The following JAK3 variants were observed in gnomAD, a reference collection of about 807,000 sequenced individuals.
The protein encoded by JAK3 is tyrosine-protein kinase JAK3.
In JAK3, 88 loss-of-function variants were observed where a neutral mutation model predicts 120.8. The ratio of observed to expected loss-of-function variants is 0.73; its 90% CI spans 0.61 to 0.87. The LOEUF (loss-of-function observed/expected upper bound fraction) is 0.87, where lower values mean the gene tolerates loss of function less well. JAK3 is among the 40% of genes least tolerant of loss of function. JAK3 has a pLI of 0.00. For synonymous variants in JAK3, 592 were observed against 628.6 expected (o/e 0.94, Z 0.87); for missense variants, 1,254 against 1,501.4 (o/e 0.84, Z 2.72).
rs2147677165 is a variant in JAK3 at position 17,831,796 on chromosome 19, G to A, written c.2683C>T (p.Arg895Cys). 6.2e-7 allele frequency: 1 copy of A among 1,612,784 alleles called. No individual in the cohort carries two copies. Among genetic ancestry groups the A allele is most frequent in the Non-Finnish European group, 8.5e-7 (1 of 1,179,848 alleles). The change falls in exon 20 of 24, where the codon CGC becomes TGC. Residue 895 changes from arginine (R) to cysteine (C), a missense_variant and splice_region_variant. This residue lies in a region of JAK3 where 630 missense variants were observed against 819.8 expected (regional missense o/e 0.77). Coordinates refer to ENST00000458235, the MANE Select transcript of JAK3 (RefSeq NM_000215.4). The surrounding 1 kb of genome is among the most constrained non-coding windows in gnomAD (Gnocchi z 5.1). ...TCCATGACCAGCCGCAGGCTCTGGC[G>A]GCCTGGAGAAGGCAGGATCTGTCAC... ...KYRGVSYGPGRQSLRLVMEYL... is the reference protein window; with the variant it reads ...KYRGVSYGPGCQSLRLVMEYL...
chr19:17,838,648 C>T (rs184155927), intron 10 of JAK3, among the ~76,000 whole-genome samples: 9 of 151,618 alleles, frequency 5.9e-5, no homozygotes, highest in Admixed American at 2.0e-4. Flanking sequence ...CAGGTTCAAG[C>T]GATTTTCCTG....
intron 23 of JAK3, 150 bp downstream of exon 23, chr19:17,829,958 G>A: frequency 1.4e-6 from 1 of 697,066 alleles, no homozygotes; most frequent in Non-Finnish European, 2.6e-6. Context: ...GCCACACAGT[G>A]AGAGAGTAGC....
Position 17,826,714 on chromosome 19 carries a change from G to A in JAK3, c.*29C>T. On this transcript the variant is annotated 3_prime_UTR_variant, in exon 24 of 24. Coordinates refer to ENST00000458235, the MANE Select transcript of JAK3 (RefSeq NM_000215.4). ...TAAGGTCACACAGCCAGTCAACAGA[G>A]ACCTAATCCAGAGGTCTGCGGGCAG... is the stretch of plus-strand genomic sequence containing the variant. 6.2e-7 allele frequency: 1 copy of A among 1,613,442 alleles called. No individual in the cohort carries two copies. Among genetic ancestry groups the A allele is most frequent in the South Asian group, 1.1e-5 (1 of 91,058 alleles).
In JAK3 at chr19:17,844,384, G is replaced by C; in HGVS notation, c.34C>G (p.Pro12Ala). 2 of 1,612,340 alleles carry C rather than the reference G, an allele frequency of 1.2e-6. No homozygotes were observed. Among genetic ancestry groups the C allele is most frequent in the Non-Finnish European group, 1.7e-6 (2 of 1,179,728 alleles). Residue 12 changes from proline (P) to alanine (A), a missense_variant, in exon 2 of 24, where the codon CCT becomes GCT. Pro to Ala is a conservative substitution (Grantham distance 27, BLOSUM62 -1). Coordinates refer to ENST00000458235, the MANE Select transcript of JAK3 (RefSeq NM_000215.4). ...APPSEETPLIPQRSCSLLSTE... is the reference protein window; with the variant it reads ...APPSEETPLIAQRSCSLLSTE... The stretch of plus-strand genomic sequence containing the variant: ...GACAAGAGGCTGCATGAACGCTGAG[G>C]GATCAGGGGCGTCTCTTCACTTGGA...
intron 14 of JAK3, 119 bp from the exon 15 acceptor site, chr19:17,835,334 C>T (rs1240159844): frequency 1.1e-5 from 14 of 1,301,894 alleles, no homozygotes; most frequent in Non-Finnish European, 1.5e-5. Context: ...GCTCCAGCAT[C>T]GTCCCTGACT....
intron 12 of JAK3, 114 bp downstream of exon 12, chr19:17,837,818 T>C (rs1002971525): frequency 2.1e-5 from 30 of 1,461,518 alleles, no homozygotes; most frequent in African/African-American, 4.2e-5. Context: ...AGTGCTGGGA[T>C]GACAGGCATG....
At chr19:17,839,738 CTTTTTTTTTTT>C (rs71164315) in intron 9 of JAK3, 75 bp from the exon 10 acceptor site, 3 of 795,748 alleles carry the variant, frequency 3.8e-6, no homozygotes, top group South Asian at 1.7e-5. Context: ...CCTTTTTTTT[CTTTTTTTTTTT>C]TTTTTTTTGG....
Position 17,832,684 on chromosome 19 carries a change from A to G in JAK3, c.2515T>C (p.Cys839Arg). Residue 839 changes from cysteine (C) to arginine (R), a missense_variant, in exon 19 of 24, where the codon TGC (cysteine) becomes CGC (arginine). This residue lies in a region of JAK3 where 630 missense variants were observed against 819.8 expected (regional missense o/e 0.77). Coordinates refer to ENST00000458235, the MANE Select transcript of JAK3 (RefSeq NM_000215.4). The surrounding 1 kb of genome is among the most constrained non-coding windows in gnomAD (Gnocchi z 4.7). Reference sequence around the variant, plus strand: ...TTGTCGCCTAGCGGGTCATAGCGGCACAGCTCCACGCTGCCAAAGTTGCCC... The same window carrying G: ...TTGTCGCCTAGCGGGTCATAGCGGCGCAGCTCCACGCTGCCAAAGTTGCCC... ...GKGNFGSVEL[C>R]RYDPLGDNTG... 10 of 1,614,204 alleles carry G rather than the reference A, an allele frequency of 6.2e-6. No individual in the cohort carries two copies. The highest frequency in any genetic ancestry group is 8.5e-6 in the Non-Finnish European group (10 of 1,180,020).
chr19:17,837,840 C>T (rs1271344631), intron 12 of JAK3, 92 bp downstream of exon 12: 1 of 1,577,884 alleles, frequency 6.3e-7, no homozygotes, highest in African/African-American at 1.3e-5. Flanking sequence ...GCCACCACGC[C>T]CAGGTCCCTG....
In JAK3 at chr19:17,840,304, A is replaced by G; in HGVS notation, c.1180T>C (p.Ser394Pro). ...FAINKLKTGG[S>P]RPGSYVLRRS... ...CGGAGAACATAGGAGCCAGGACGTG[A>G]GCCCCCAGTCTTGAGCTTGTTGATG... Residue 394 changes from serine (S) to proline (P), a missense_variant, in exon 9 of 24, where the codon TCA becomes CCA. Coordinates refer to ENST00000458235, the MANE Select transcript of JAK3 (RefSeq NM_000215.4). 2 of 1,613,968 alleles carry G rather than the reference A, an allele frequency of 1.2e-6. No homozygotes were observed. The highest frequency in any genetic ancestry group is 1.7e-6 in the Non-Finnish European group (2 of 1,179,986).
At chr19:17,839,167 CAGA>C (rs1470472225) in intron 10 of JAK3, 1 of 501,704 alleles carries the variant, frequency 2.0e-6, no homozygotes, top group Non-Finnish European at 3.8e-6. Context: ...CTGGGAGACT[CAGA>C]AGAACTCACA....
Position 17,836,385 on chromosome 19 carries a change from T to C in JAK3, c.1787-334A>G, listed in dbSNP as rs3212764. 0.24 allele frequency among the ~76,000 whole-genome samples: 36,818 copies of C among 151,950 alleles called. 4,736 individuals are homozygous for C. Among genetic ancestry groups the C allele is most frequent in the Non-Finnish European group, 0.28 (18,759 of 67,942 alleles). ...GCAACCTCTGCCTCCCGGGTTCAAG[T>C]GATTCTCCTGTCTCAGCCTCCTAAG... On this transcript the variant is annotated intron_variant, in intron 13 of 23. Coordinates refer to ENST00000458235, the MANE Select transcript of JAK3 (RefSeq NM_000215.4).
chr19:17,828,082 A>G (rs10419991), intron 23 of JAK3, among the ~76,000 whole-genome samples: 78,819 of 151,548 alleles, frequency 0.52, 21,542 homozygotes, highest in African/African-American at 0.69. Flanking sequence ...CTCCACTGGA[A>G]ATTTCTTCTC....
rs1200119249 is a variant in JAK3 at position 17,831,349 on chromosome 19, G to A, written c.2857C>T (p.Arg953Ter). ...RRCVHRDLAA[R>*]NILVESEAHV... is the part of the protein sequence containing the mutation. ...GCCTCGCTCTCCACGAGGATGTTTC[G>A]GGCGGCCAGGTCGCGGTGCACGCAG... The change falls in exon 21 of 24, where the codon CGA (arginine) becomes TGA (stop). Residue 953 changes from arginine to a stop codon, truncating the protein, a stop_gained. Transcript: ENST00000458235. LOFTEE classifies it high-confidence loss of function. The surrounding 1 kb of genome is among the most constrained non-coding windows in gnomAD (Gnocchi z 5.1). 1 of 1,610,566 alleles carries A rather than the reference G, an allele frequency of 6.2e-7. No homozygotes were observed.
rs916805134 is a variant in JAK3 at position 17,832,096 on chromosome 19, C to T, written c.2681-298G>A. On this transcript the variant is annotated intron_variant, in intron 19 of 23. Coordinates refer to ENST00000458235, the MANE Select transcript of JAK3 (RefSeq NM_000215.4). The surrounding 1 kb of genome is among the most constrained non-coding windows in gnomAD (Gnocchi z 4.7). ...GGCCAACATGGTGAAAACCCATCTC[C>T]ACTAAAAACACAAAAATTAGCCGGG... Among the ~76,000 whole-genome samples the T allele has an allele frequency of 2.0e-5, 3 of 152,040 alleles. No individual in the cohort carries two copies. In the East Asian group the frequency reaches 5.8e-4, roughly 29 times the overall value.
chr19:17,830,628 G>A lies in JAK3; in HGVS notation c.2979-8C>T, dbSNP rs566050529. 3.7e-6 allele frequency: 6 copies of A among 1,609,974 alleles called. No individual in the cohort carries two copies. In the African/African-American group the frequency reaches 8.0e-5, roughly 22 times the overall value. ...AGGGATTCGGGGGCATACCTGGAGAGGGGACAAGGTCTTGAGATGCGAGGG... is the reference window on the plus strand; with the variant it reads ...AGGGATTCGGGGGCATACCTGGAGAAGGGACAAGGTCTTGAGATGCGAGGG... On this transcript the variant is annotated splice_region_variant and splice_polypyrimidine_tract_variant and intron_variant, in intron 21 of 23. Transcript: ENST00000458235.
At position 17,832,848 on chromosome 19, in the gene JAK3, C is replaced by G; in HGVS notation, c.2432G>C (p.Cys811Ser). ...CTCCTCGAAGATCGTGGGGTCTTGG[C>G]AGGCATAGAGCTGGGCACCATTCCA... ...GLWNGAQLYA[C>S]QDPTIFEERH... Residue 811 changes from cysteine (C) to serine (S), a missense_variant, in exon 18 of 24, where the codon TGC becomes TCC. Around this residue, in one of 3 missense-constraint regions of JAK3, gnomAD observed 630 missense variants for 819.8 expected, o/e 0.77. Transcript: ENST00000458235. This position sits in a 1 kb window ranked among gnomAD's most constrained non-coding sequence, Gnocchi z 4.7. The G allele has an allele frequency of 1.9e-6, 3 of 1,614,264 alleles. No homozygotes were observed. Among genetic ancestry groups the G allele is most frequent in the Non-Finnish European group, 1.7e-6 (2 of 1,180,048 alleles).
chr19:17,832,580 C>A lies in JAK3; in HGVS notation c.2619G>T (p.Gln873His), dbSNP rs200645418. The A allele has an allele frequency of 6.3e-5, 102 of 1,614,134 alleles. No homozygotes were observed. The highest frequency in any genetic ancestry group is 8.2e-5 in the Non-Finnish European group (97 of 1,180,068). ...AATCACTGTGCAGTGCTTTGAGGAT[C>A]TGAATCTCCCGCTGAAAGTCCCTCT... is the stretch of plus-strand genomic sequence containing the variant. ...DQQRDFQREI[Q>H]ILKALHSDFI... is the part of the protein sequence containing the mutation. The change falls in exon 19 of 24, where the codon CAG becomes CAT. Residue 873 changes from glutamine (Q) to histidine (H), a missense_variant. Gln to His is a conservative substitution (Grantham distance 24). Around this residue, in one of 3 missense-constraint regions of JAK3, gnomAD observed 630 missense variants for 819.8 expected, o/e 0.77. Coordinates refer to ENST00000458235, the MANE Select transcript of JAK3 (RefSeq NM_000215.4). The surrounding 1 kb of genome is among the most constrained non-coding windows in gnomAD (Gnocchi z 4.7).
At position 17,847,640 on chromosome 19, in the gene JAK3, C is replaced by T. The variant is rs1277876203; in HGVS notation, c.-14+306G>A. On this transcript the variant is annotated intron_variant, in intron 1 of 23. Coordinates refer to ENST00000458235, the MANE Select transcript of JAK3 (RefSeq NM_000215.4). Reference sequence around the variant, plus strand: ...AGGGTAGGGGCTGGGAACTCCGCCCCCCAATCCCTCCTTCCCAATCCCTCC... The same window carrying T: ...AGGGTAGGGGCTGGGAACTCCGCCCTCCAATCCCTCCTTCCCAATCCCTCC... Among the ~76,000 whole-genome samples the T allele has an allele frequency of 2.6e-5, 4 of 152,090 alleles. No homozygotes were observed. In the South Asian group the frequency reaches 8.3e-4, roughly 32 times the overall value.
Sources: allele counts gnomAD v4.1 joint callset (sites outside exome capture counted in the v4.1 genomes callset), GRCh38; gene constraint gnomAD v4.1.1; regional missense constraint gnomAD v4.1.1; non-coding constraint Gnocchi (gnomAD v3.1); transcripts MANE v1.5; gene names NCBI Gene and HGNC (gene_info 2026-07-23, HGNC 2026-07-21).